The following SCEL variants were observed in gnomAD, a reference collection of about 807,000 sequenced individuals.
SCEL encodes the protein sciellin.
Under a neutral mutation model 117.6 loss-of-function variants are expected in SCEL, and 113 were observed. That is an observed-to-expected ratio of 0.96 (90% CI 0.83 to 1.12). The LOEUF (loss-of-function observed/expected upper bound fraction) is 1.12. Among genes scored for constraint, SCEL ranks in the 50% most tolerant of loss-of-function variants. The pLI is 0.00. For synonymous variants in SCEL, 270 were observed against 256.2 expected (o/e 1.05, Z -0.51); for missense variants, 785 against 810.8 (o/e 0.97, Z 0.39).
At position 77,608,100 on chromosome 13, in the gene SCEL, A is replaced by C; in HGVS notation, c.1202A>C (p.Lys401Thr). The change falls in exon 20 of 33, where the codon AAG (lysine) becomes ACG (threonine). Residue 401 changes from lysine (K) to threonine (T), a missense_variant. Transcript: ENST00000349847. ...DNLIKVTPEV[K>T]RSNQGSKDLN... ...CTCATCAAAGTGACCCCTGAAGTAA[A>C]GAGAAGTAACCAAGGGTGAGGACTA... 6.2e-7 allele frequency: 1 copy of C among 1,613,114 alleles called. No individual in the cohort carries two copies. The highest frequency in any genetic ancestry group is 8.5e-7 in the Non-Finnish European group (1 of 1,179,320).
At chr13:77,631,537 A>G (rs2090021235) in intron 28 of SCEL, among the ~76,000 whole-genome samples, 1 of 152,180 alleles carries the variant, frequency 6.6e-6, no homozygotes, top group African/African-American at 2.4e-5. Context: ...CAGCTCTGTT[A>G]TAATTACATA....
intron 2 of SCEL, 35 bp from the exon 3 acceptor site, chr13:77,556,561 T>G: frequency 6.4e-7 from 1 of 1,566,148 alleles, no homozygotes; most frequent in African/African-American, 1.4e-5. Flanking sequence ...CTCCACACTA[T>G]TACATCTTCC....
intron 4 of SCEL, among the ~76,000 whole-genome samples, chr13:77,560,578 G>A (rs1226926587): frequency 6.6e-6 from 1 of 152,152 alleles, no homozygotes; most frequent in Non-Finnish European, 1.5e-5. Flanking sequence ...AAACTCCTGG[G>A]CTAGTGGGAA....
chr13:77,601,317 A>G (rs1270642916), intron 15 of SCEL, among the ~76,000 whole-genome samples: 1 of 152,178 alleles, frequency 6.6e-6, no homozygotes, highest in Non-Finnish European at 1.5e-5. Context: ...GTTTTGGTGC[A>G]GGAATAACTG....
intron 3 of SCEL, among the ~76,000 whole-genome samples, chr13:77,558,127 G>A (rs1322392250): frequency 6.6e-6 from 1 of 152,136 alleles, no homozygotes; most frequent in East Asian, 1.9e-4. Flanking sequence ...CATACATTTT[G>A]GATTGCCAAT....
intron 5 of SCEL, 27 bp downstream of exon 5, chr13:77,563,926 G>A: frequency 7.1e-7 from 1 of 1,406,636 alleles, no homozygotes; most frequent in Non-Finnish European, 9.7e-7. Context: ...CCATATAAAT[G>A]GAATGCATAA....
chr13:77,630,991 A>G (rs998357491), intron 28 of SCEL, among the ~76,000 whole-genome samples: 12 of 152,230 alleles, frequency 7.9e-5, no homozygotes, highest in Non-Finnish European at 1.6e-4. Context: ...TTTTGGGTAC[A>G]TCAGAATCAC....
intron 1 of SCEL, among the ~76,000 whole-genome samples, chr13:77,540,709 G>A (rs2083656664): frequency 6.6e-6 from 1 of 152,250 alleles, no homozygotes; most frequent in Non-Finnish European, 1.5e-5. Context: ...CAGAGTGTGA[G>A]TGGGAAGTGG....
chr13:77,620,967 A>G (rs2089379189), intron 27 of SCEL, among the ~76,000 whole-genome samples: 1 of 152,116 alleles, frequency 6.6e-6, no homozygotes, highest in Non-Finnish European at 1.5e-5. Flanking sequence ...CTTGGGGACA[A>G]CCTTGACGCT....
intron 21 of SCEL, 53 bp downstream of exon 21, chr13:77,609,170 T>C: frequency 7.5e-7 from 1 of 1,341,266 alleles, no homozygotes; most frequent in Non-Finnish European, 1.0e-6. Flanking sequence ...TGCCTAAAAG[T>C]ATAATTAAAG....
chr13:77,611,517 G>C (rs538526489), intron 22 of SCEL, among the ~76,000 whole-genome samples: 5 of 152,330 alleles, frequency 3.3e-5, no homozygotes. Flanking sequence ...TTCAGTGAAA[G>C]ACAGTTGCCT....
intron 9 of SCEL, among the ~76,000 whole-genome samples, chr13:77,583,487 G>A (rs2086380144): frequency 6.6e-6 from 1 of 152,184 alleles, no homozygotes. Flanking sequence ...GTCTTTGACT[G>A]CCCAGTTACG....
intron 3 of SCEL, among the ~76,000 whole-genome samples, chr13:77,558,541 T>C (rs2084788031): frequency 1.3e-5 from 2 of 152,068 alleles, no homozygotes. Context: ...AGGCCGGGCG[T>C]GGTGGATCAC....
intron 8 of SCEL, among the ~76,000 whole-genome samples, chr13:77,571,358 G>GCAACA (rs1222248846): frequency 2.1e-5 from 3 of 142,584 alleles, no homozygotes; most frequent in Admixed American, 7.0e-5. Flanking sequence ...TCCAGCCTGG[G>GCAACA]AGACAGCGAG....
chr13:77,642,653 T>A, intron 31 of SCEL, 53 bp from the exon 32 acceptor site: 1 of 1,089,062 alleles, frequency 9.2e-7, no homozygotes, highest in Non-Finnish European at 1.4e-6. Flanking sequence ...GTTCCTCTAA[T>A]AATCTAGATT....
chr13:77,595,510 C>G (rs1333883757), intron 12 of SCEL, among the ~76,000 whole-genome samples: 2 of 152,146 alleles, frequency 1.3e-5, no homozygotes, highest in African/African-American at 2.4e-5. Context: ...AGAGTGTCTT[C>G]TCATGATTTA....
chr13:77,554,753 G>A (rs1229408993), intron 1 of SCEL, among the ~76,000 whole-genome samples: 5 of 152,152 alleles, frequency 3.3e-5, no homozygotes, highest in African/African-American at 7.2e-5. Context: ...ATTCTCAGAC[G>A]TTGAACGTGA....
intron 31 of SCEL, among the ~76,000 whole-genome samples, chr13:77,641,232 T>C (rs540354348): frequency 2.6e-4 from 39 of 152,312 alleles, no homozygotes; most frequent in Non-Finnish European, 4.6e-4. Context: ...TTTGAGAGCA[T>C]AATTAGTGGT....
At chr13:77,562,427 T>G (rs1048784350) in intron 4 of SCEL, among the ~76,000 whole-genome samples, 4 of 152,198 alleles carry the variant, frequency 2.6e-5, no homozygotes, top group Non-Finnish European at 2.9e-5. Context: ...TTCTTCACTC[T>G]TTTTCTTGCC....
Sources: gnomAD v4.1 joint callset for allele counts (sites outside exome capture counted in the v4.1 genomes callset) on GRCh38, gnomAD v4.1.1 for gene constraint, MANE v1.5 for transcripts, NCBI Gene and HGNC (gene_info 2026-07-23, HGNC 2026-07-21) for gene names.